PPP3CC: variants seen among roughly 807,000 people sequenced by gnomAD.
PPP3CC encodes the protein serine/threonine-protein phosphatase 2B catalytic subunit gamma isoform.
In PPP3CC, 35 loss-of-function variants were observed where a neutral mutation model predicts 60.3. That is an observed-to-expected ratio of 0.58 (90% CI 0.44 to 0.77). PPP3CC has a LOEUF of 0.77. PPP3CC is among the 30% of genes least tolerant of loss of function. The pLI, the probability that PPP3CC is intolerant of heterozygous loss-of-function variation, is 0.00. For synonymous variants in PPP3CC, 206 were observed against 224.3 expected (o/e 0.92, Z 0.73); for missense variants, 570 against 628.9 (o/e 0.91, Z 1.00).
chr8:22,475,432 C>G, intron 2 of PPP3CC, 68 bp from the exon 3 acceptor site: 1 of 1,497,452 alleles, frequency 6.7e-7, no homozygotes, highest in African/African-American at 1.4e-5. Flanking sequence ...ACTGTGATCC[C>G]TTTTGGTGTA....
intron 1 of PPP3CC, among the ~76,000 whole-genome samples, chr8:22,456,117 A>G (rs771851499): frequency 1.3e-5 from 2 of 152,232 alleles, no homozygotes; most frequent in Non-Finnish European, 2.9e-5. Context: ...GTGAACAGAC[A>G]TAGCTATTTA....
intron 3 of PPP3CC, among the ~76,000 whole-genome samples, chr8:22,493,543 T>C (rs1838470260): frequency 6.6e-6 from 1 of 152,148 alleles, no homozygotes; most frequent in Non-Finnish European, 1.5e-5. Context: ...AAAACCTTTT[T>C]TTACTTTTAA....
intron 1 of PPP3CC, among the ~76,000 whole-genome samples, chr8:22,451,675 A>G (rs1471055839): frequency 6.6e-6 from 1 of 152,246 alleles, no homozygotes; most frequent in Non-Finnish European, 1.5e-5. Context: ...GCACAGCATG[A>G]TGGTGATGTC....
At position 22,533,167 on chromosome 8, in the gene PPP3CC, C is replaced by T. The variant is rs998178069; in HGVS notation, c.1321+149C>T. ...GAAATGAATCTTCACCCCTACTTCCCTCCATACAGAAAACCTAAATCAGAA... is the reference window on the plus strand; with the variant it reads ...GAAATGAATCTTCACCCCTACTTCCTTCCATACAGAAAACCTAAATCAGAA... On this transcript the variant is annotated intron_variant, in intron 12 of 13. Transcript: ENST00000240139. The T allele has an allele frequency of 1.5e-5, 8 of 525,838 alleles. No individual in the cohort carries two copies. In the African/African-American group the frequency reaches 1.6e-4, roughly 10 times the overall value. 32.6% of individuals were successfully genotyped at this position (525,838 alleles called of 1,614,324 possible).
intron 1 of PPP3CC, among the ~76,000 whole-genome samples, chr8:22,467,567 T>TGAGG: frequency 6.6e-6 from 1 of 152,082 alleles, no homozygotes; most frequent in South Asian, 2.1e-4. Flanking sequence ...TTCAGCCTCC[T>TGAGG]GAGGCAAGCA....
At chr8:22,522,467 A>T (rs749228257) in intron 6 of PPP3CC, 24 bp from the exon 7 acceptor site, 1 of 1,567,194 alleles carries the variant, frequency 6.4e-7, no homozygotes, top group Non-Finnish European at 8.7e-7. Flanking sequence ...TTCTGGATTT[A>T]TGTTTTCTAA....
rs143566497 is a variant in PPP3CC, at chr8:22,540,666, G to A, written c.1403G>A (p.Arg468Gln). The A allele has an allele frequency of 6.2e-6, 10 of 1,613,868 alleles. No homozygotes were observed. Among genetic ancestry groups the A allele is most frequent in the Admixed American group, 3.3e-5 (2 of 59,988 alleles). ...QHKIRSFEEA[R>Q]GLDRINERMP... is the part of the protein sequence containing the mutation. Reference sequence around the variant, plus strand: ...AAGATCCGGAGTTTTGAAGAAGCGCGAGGTCTGGACCGAATTAATGAGCGA... The same window carrying A: ...AAGATCCGGAGTTTTGAAGAAGCGCAAGGTCTGGACCGAATTAATGAGCGA... Residue 468 changes from arginine (R) to glutamine (Q), a missense_variant, in exon 14 of 14, where the codon CGA (arginine) becomes CAA (glutamine). Physicochemically the swap from Arg to Gln is conservative, Grantham distance 43 (BLOSUM62 1). Transcript: ENST00000240139.
intron 8 of PPP3CC, 76 bp downstream of exon 8, chr8:22,522,825 T>C: frequency 9.7e-7 from 1 of 1,033,120 alleles, no homozygotes; most frequent in Non-Finnish European, 1.4e-6. Context: ...TGTACGTATG[T>C]GTGTTTGTGT....
chr8:22,480,074 TTGAAGTCTTTTCC>T (rs575689772), intron 3 of PPP3CC, among the ~76,000 whole-genome samples: 194 of 152,296 alleles, frequency 1.3e-3, no homozygotes, highest in African/African-American at 4.4e-3. Flanking sequence ...AGAGTACTTG[TTGAAGTCTTTTCC>T]ATGAATCTGA....
chr8:22,495,941 A>C (rs537673270), intron 3 of PPP3CC, among the ~76,000 whole-genome samples: 2 of 152,248 alleles, frequency 1.3e-5, no homozygotes, highest in African/African-American at 4.8e-5. Flanking sequence ...CACAGTTCTT[A>C]CCTACACCAA....
chr8:22,464,793 G>A (rs775104737), intron 1 of PPP3CC, among the ~76,000 whole-genome samples: 4 of 152,084 alleles, frequency 2.6e-5, no homozygotes, highest in Non-Finnish European at 4.4e-5. Flanking sequence ...TGAGTTATGC[G>A]TGGGCTGAGT....
chr8:22,501,048 C>T (rs1032407435), intron 4 of PPP3CC, among the ~76,000 whole-genome samples: 2 of 152,136 alleles, frequency 1.3e-5, no homozygotes, highest in African/African-American at 4.8e-5. Context: ...GTCCCAGCTA[C>T]TCAGGAGGCT....
chr8:22,540,760 T>G lies in PPP3CC; in HGVS notation c.1497T>G (p.His499Gln). 1 of 1,613,930 alleles carries G rather than the reference T, an allele frequency of 6.2e-7. No homozygotes were observed. The highest frequency in any genetic ancestry group is 2.2e-5 in the East Asian group (1 of 44,886). ...AATCTGTAACCTCAGCACACTCACATGCTGCGCACAGGAGCGACCAAGGGA... is the reference window on the plus strand; with the variant it reads ...AATCTGTAACCTCAGCACACTCACAGGCTGCGCACAGGAGCGACCAAGGGA... The part of the protein sequence containing the change: ...PMKSVTSAHS[H>Q]AAHRSDQGKK... The change falls in exon 14 of 14, where the codon CAT becomes CAG. Residue 499 changes from histidine (H) to glutamine (Q), a missense_variant. Coordinates refer to ENST00000240139, the MANE Select transcript of PPP3CC (RefSeq NM_005605.5).
At position 22,534,108 on chromosome 8, in the gene PPP3CC, A is replaced by G. The variant is rs187090439; in HGVS notation, c.1321+1090A>G. On this transcript the variant is annotated intron_variant, in intron 12 of 13. Transcript: ENST00000240139. ...TAGCTACTCAGGAGGCTGAAGCACT[A>G]GAATCACTGGAACCCGGGAGGTGGA... 5.9e-5 allele frequency among the ~76,000 whole-genome samples: 9 copies of G among 151,378 alleles called. No individual in the cohort carries two copies. The East Asian group carries it at 1.8e-3, about 30-fold the overall frequency.
At chr8:22,469,684 TG>T (rs1837656254) in intron 1 of PPP3CC, among the ~76,000 whole-genome samples, 2 of 152,130 alleles carry the variant, frequency 1.3e-5, no homozygotes, top group Non-Finnish European at 2.9e-5. Context: ...TGAGCTAAGC[TG>T]CAGCCAACAG....
chr8:22,503,032 C>G (rs1306341614), intron 4 of PPP3CC, among the ~76,000 whole-genome samples: 1 of 151,960 alleles, frequency 6.6e-6, no homozygotes, highest in Non-Finnish European at 1.5e-5. Context: ...TATATCCTCT[C>G]TAGTATTGTT....
At chr8:22,510,448 C>CACTTATATATCTTCAACA (rs1275646393) in intron 4 of PPP3CC, among the ~76,000 whole-genome samples, 1 of 152,070 alleles carries the variant, frequency 6.6e-6, no homozygotes, top group Non-Finnish European at 1.5e-5. Context: ...TCTTCAACAC[C>CACTTATATATCTTCAACA]CCTAAGAGAT....
intron 5 of PPP3CC, 130 bp downstream of exon 5, chr8:22,511,361 C>G: frequency 2.0e-6 from 2 of 981,438 alleles, no homozygotes; most frequent in Non-Finnish European, 1.5e-6. Flanking sequence ...GCTATCTCAG[C>G]TCACTGCAAC....
chr8:22,506,677 C>T (rs1415486296), intron 4 of PPP3CC, among the ~76,000 whole-genome samples: 2 of 152,092 alleles, frequency 1.3e-5, no homozygotes, highest in Non-Finnish European at 2.9e-5. Flanking sequence ...CACAGTGGCT[C>T]ACGCCTGTAA....
Sources: gnomAD v4.1 joint callset for allele counts (sites outside exome capture counted in the v4.1 genomes callset) on GRCh38, gnomAD v4.1.1 for gene constraint, MANE v1.5 for transcripts, NCBI Gene and HGNC (gene_info 2026-07-23, HGNC 2026-07-21) for gene names.